Variants in PSD3 observed in about 807,000 individuals in gnomAD.
PSD3 encodes PH and SEC7 domain-containing protein 3.
A neutral mutation model predicts 105.5 loss-of-function variants in PSD3; 49 were observed. The observed-to-expected ratio is 0.46, with a 90% CI of 0.37 to 0.59. PSD3 has a LOEUF of 0.59. Ranked by LOEUF, PSD3 falls within the 20% of genes least tolerant of loss-of-function variation. PSD3 has a pLI of 0.00. For missense variants in PSD3, 1,561 were observed against 1,263.8 expected (o/e 1.24, Z -3.57); for synonymous variants, 557 against 457.8 (o/e 1.22, Z -2.77).
intron 2 of PSD3, among the ~76,000 whole-genome samples, chr8:18,899,855 A>G (rs1819391455): frequency 6.6e-6 from 1 of 152,178 alleles, no homozygotes; most frequent in African/African-American, 2.4e-5. Context: ...ATTTATAGAC[A>G]AGGGCATTCC....
chr8:18,551,741 C>A (rs1286283349), intron 15 of PSD3, among the ~76,000 whole-genome samples: 2 of 152,182 alleles, frequency 1.3e-5, no homozygotes, highest in Non-Finnish European at 1.5e-5. Flanking sequence ...TGGTTTCAGT[C>A]ATGAGGGAAG....
intron 9 of PSD3, among the ~76,000 whole-genome samples, chr8:18,763,364 CAAAG>C (rs536196989): frequency 4.0e-4 from 61 of 151,976 alleles, no homozygotes; most frequent in Non-Finnish European, 7.8e-4. Flanking sequence ...GGAAAGGTGG[CAAAG>C]AAAGAGAGAA....
chr8:18,716,278 G>C (rs78791675), intron 9 of PSD3, among the ~76,000 whole-genome samples: 14,774 of 152,216 alleles, frequency 0.097, 1,321 homozygotes, highest in East Asian at 0.25. Context: ...ACCTCATATG[G>C]TGTGTCTGAC....
chr8:18,973,709 C>T (rs1481684899), intron 1 of PSD3, among the ~76,000 whole-genome samples: 1 of 152,088 alleles, frequency 6.6e-6, no homozygotes, highest in Non-Finnish European at 1.5e-5. Context: ...AAAAGGATAC[C>T]AATTGGATCT....
intron 4 of PSD3, among the ~76,000 whole-genome samples, chr8:18,842,230 G>C (rs983229900): frequency 6.6e-6 from 1 of 152,190 alleles, no homozygotes; most frequent in Non-Finnish European, 1.5e-5. Context: ...TACTCTATGC[G>C]ACATCACTAT....
chr8:19,035,817 C>T (rs190417299), intron 1 of PSD3, among the ~76,000 whole-genome samples: 15 of 152,138 alleles, frequency 9.9e-5, no homozygotes, highest in East Asian at 9.7e-4. Flanking sequence ...TGCTATGACC[C>T]GATCTCAGCT....
At chr8:18,956,773 T>G (rs544982754) in intron 1 of PSD3, among the ~76,000 whole-genome samples, 9 of 152,280 alleles carry the variant, frequency 5.9e-5, no homozygotes, top group African/African-American at 1.7e-4. Context: ...TGATTGTTAA[T>G]AACAGAAGGG....
intron 1 of PSD3, among the ~76,000 whole-genome samples, chr8:19,080,328 G>A (rs746386676): frequency 6.6e-6 from 1 of 152,192 alleles, no homozygotes; most frequent in Non-Finnish European, 1.5e-5. Context: ...TGTTCAGGGA[G>A]ATGTCAGAGG....
At chr8:18,773,691 C>G (rs569917446) in intron 8 of PSD3, among the ~76,000 whole-genome samples, 14 of 152,212 alleles carry the variant, frequency 9.2e-5, no homozygotes, top group African/African-American at 3.1e-4. Context: ...AGGAGTCCTC[C>G]AATTTTTTGC....
chr8:19,005,029 C>G (rs545192791), intron 1 of PSD3, among the ~76,000 whole-genome samples: 6 of 151,940 alleles, frequency 3.9e-5, no homozygotes, highest in African/African-American at 1.5e-4. Flanking sequence ...TGAAAATGGA[C>G]GAATACGAGC....
At chr8:19,028,284 C>A (rs117012118) in intron 1 of PSD3, among the ~76,000 whole-genome samples, 44,831 of 94,434 alleles carry the variant, frequency 0.47, 9,237 homozygotes, top group South Asian at 0.53. Context: ...CACCACCCCC[C>A]CCCCCCGGCC....
intron 9 of PSD3, among the ~76,000 whole-genome samples, chr8:18,666,648 T>C (rs961655152): frequency 9.9e-5 from 15 of 150,828 alleles, no homozygotes; most frequent in African/African-American, 3.7e-4. Context: ...GAAAGCTCCA[T>C]GTACAAGGTA....
intron 8 of PSD3, among the ~76,000 whole-genome samples, chr8:18,772,268 CAT>C (rs1807610376): frequency 6.6e-6 from 1 of 152,136 alleles, no homozygotes; most frequent in Non-Finnish European, 1.5e-5. Flanking sequence ...TGGTGTATCA[CAT>C]GATAGTTATA....
chr8:18,647,368 T>C (rs551889995), intron 10 of PSD3, among the ~76,000 whole-genome samples: 14 of 152,340 alleles, frequency 9.2e-5, no homozygotes, highest in African/African-American at 2.6e-4. Context: ...AGATGGGAAA[T>C]AGTTTAACTT....
intron 9 of PSD3, among the ~76,000 whole-genome samples, chr8:18,710,903 G>A (rs1466602202): frequency 2.0e-5 from 3 of 152,030 alleles, no homozygotes; most frequent in Non-Finnish European, 4.4e-5. Flanking sequence ...GGCTGGTCTT[G>A]AACTCCTGGC....
intron 2 of PSD3, among the ~76,000 whole-genome samples, chr8:18,883,232 CTTT>C (rs1378514516): frequency 6.6e-6 from 1 of 152,140 alleles, no homozygotes; most frequent in Non-Finnish European, 1.5e-5. Flanking sequence ...TTAATGCCTA[CTTT>C]TTTATTTTAA....
chr8:18,784,289 T>A (rs116253785), intron 8 of PSD3, among the ~76,000 whole-genome samples: 4 of 152,304 alleles, frequency 2.6e-5, no homozygotes, highest in African/African-American at 9.6e-5. Flanking sequence ...CTCCCTCCAA[T>A]TCTGTCCATT....
intron 2 of PSD3, among the ~76,000 whole-genome samples, chr8:18,927,456 C>T (rs912735824): frequency 6.6e-6 from 1 of 152,324 alleles, no homozygotes; most frequent in South Asian, 2.1e-4. Context: ...TCGTGATCCA[C>T]CCTCCTCAGC....
At chr8:18,616,598 G>C (rs1432199176) in intron 11 of PSD3, among the ~76,000 whole-genome samples, 3 of 150,302 alleles carry the variant, frequency 2.0e-5, no homozygotes, top group African/African-American at 4.9e-5. Context: ...ACCTTTGCTA[G>C]CCAGGCCTCA....
Sources: gnomAD v4.1 joint callset for allele counts (sites outside exome capture counted in the v4.1 genomes callset) on GRCh38, gnomAD v4.1.1 for gene constraint, MANE v1.5 for transcripts, NCBI Gene and HGNC (gene_info 2026-07-23, HGNC 2026-07-21) for gene names.